GFOD1: variants seen among roughly 807,000 people sequenced by gnomAD.
The protein encoded by GFOD1 is glucose-fructose oxidoreductase domain-containing protein 1.
Under a neutral mutation model 25.4 loss-of-function variants are expected in GFOD1, and 9 were observed. That is an observed-to-expected ratio of 0.35 (90% CI 0.21 to 0.62). GFOD1 has a LOEUF of 0.62. GFOD1 is among the 20% of genes least tolerant of loss of function. The pLI, the probability that GFOD1 is intolerant of heterozygous loss-of-function variation, is 0.72. For missense variants in GFOD1, 403 were observed against 556.9 expected, an observed-to-expected ratio of 0.72 and a Z score of 2.78; for synonymous variants, 253 against 245.6, an observed-to-expected ratio of 1.03 and a Z score of -0.28.
chr6:13,434,656 A>T (rs1052010682), intron 1 of GFOD1, among the ~76,000 whole-genome samples: 1 of 152,238 alleles, frequency 6.6e-6, no homozygotes, highest in South Asian at 2.1e-4. Flanking sequence ...GAAGTCAAGC[A>T]CCTAACTCTT....
In GFOD1 at chr6:13,426,308, A is replaced by G. The variant is rs913935238; in HGVS notation, c.253+60330T>C. ...TGCCTGGTCCTATAATACAGAAGATATGAGAGCCAGGAAGCCACAGAAACA... is the reference window on the plus strand; with the variant it reads ...TGCCTGGTCCTATAATACAGAAGATGTGAGAGCCAGGAAGCCACAGAAACA... On this transcript the variant is annotated intron_variant, in intron 1 of 1. Coordinates refer to ENST00000379287, the MANE Select transcript of GFOD1 (RefSeq NM_018988.4). Among the ~76,000 whole-genome samples the G allele has an allele frequency of 6.6e-5, 10 of 152,322 alleles. No homozygotes were observed. The East Asian group carries it at 1.9e-3, about 29-fold the overall frequency.
chr6:13,394,946 T>C (rs1435707598), intron 1 of GFOD1, among the ~76,000 whole-genome samples: 2 of 152,120 alleles, frequency 1.3e-5, no homozygotes, highest in Non-Finnish European at 2.9e-5. Context: ...CATACCTGGC[T>C]AATTTTTAAA....
rs1388113175 is a variant in GFOD1, at chr6:13,364,942, G to T, written c.974C>A (p.Thr325Lys). ...CATGGTGAGGGGCCGCCCATCCCAC[G>T]TGCGCCGGTCGTCCTGGTCCTGGAA... ...QAFQDQDDRR[T>K]WDGRPLTMAA... Residue 325 changes from threonine to lysine, a missense_variant, in exon 2 of 2, where the codon ACG (threonine) becomes AAG (lysine). Transcript: ENST00000379287. The surrounding 1 kb of genome is among the most constrained non-coding windows in gnomAD (Gnocchi z 4.1). The T allele has an allele frequency of 6.2e-7, 1 of 1,611,534 alleles. No homozygotes were observed. The highest frequency in any genetic ancestry group is 8.5e-7 in the Non-Finnish European group (1 of 1,179,904).
At chr6:13,449,621 A>T (rs751302002) in intron 1 of GFOD1, among the ~76,000 whole-genome samples, 9 of 152,194 alleles carry the variant, frequency 5.9e-5, no homozygotes, top group Non-Finnish European at 1.2e-4. Context: ...TAACTGAATC[A>T]TCGGGGCGGT....
At chr6:13,379,245 C>G (rs1246334811) in intron 1 of GFOD1, among the ~76,000 whole-genome samples, 2 of 151,998 alleles carry the variant, frequency 1.3e-5, no homozygotes, top group Non-Finnish European at 2.9e-5. Flanking sequence ...CTGCCCAGCC[C>G]CTGAATCTCC....
intron 1 of GFOD1, among the ~76,000 whole-genome samples, chr6:13,426,307 T>C (rs7739234): frequency 0.03 from 4,634 of 152,216 alleles, 244 homozygotes; most frequent in African/African-American, 0.11. Flanking sequence ...ATACAGAAGA[T>C]ATGAGAGCCA....
intron 1 of GFOD1, among the ~76,000 whole-genome samples, chr6:13,419,196 C>T (rs901650308): frequency 3.9e-5 from 6 of 152,146 alleles, no homozygotes; most frequent in African/African-American, 1.4e-4. Flanking sequence ...GAGAGGTGAA[C>T]GTCTTCCAAA....
chr6:13,387,449 A>G (rs1785497752), intron 1 of GFOD1, among the ~76,000 whole-genome samples: 1 of 152,240 alleles, frequency 6.6e-6, no homozygotes, highest in Non-Finnish European at 1.5e-5. Context: ...CCTCGGATGC[A>G]AGGCTGGTTC....
chr6:13,371,572 T>C (rs1785155390), intron 1 of GFOD1, among the ~76,000 whole-genome samples: 1 of 152,240 alleles, frequency 6.6e-6, no homozygotes, highest in South Asian at 2.1e-4. Context: ...TTGGAACATA[T>C]GGACTCTATT....
rs74625335 is a variant in GFOD1 at position 13,391,167 on chromosome 6, G to A, written c.254-25505C>T. On this transcript the variant is annotated intron_variant, in intron 1 of 1. Coordinates refer to ENST00000379287, the MANE Select transcript of GFOD1 (RefSeq NM_018988.4). ...ATTTCACAGTGGATGGTGAACATTC[G>A]ATTTTTTTGTTTGAGTGAAGGTAGA... 7.9e-3 allele frequency among the ~76,000 whole-genome samples: 1,198 copies of A among 152,250 alleles called. 18 individuals carry two copies. Among genetic ancestry groups the A allele is most frequent in the African/African-American group, 0.026 (1,087 of 41,542 alleles).
intron 1 of GFOD1, among the ~76,000 whole-genome samples, chr6:13,441,036 C>T (rs1757906235): frequency 6.6e-6 from 1 of 152,202 alleles, no homozygotes; most frequent in Non-Finnish European, 1.5e-5. Context: ...ATCAGATCAT[C>T]GTGAAGAAGT....
chr6:13,478,198 G>A (rs572164581), intron 1 of GFOD1, among the ~76,000 whole-genome samples: 4 of 152,230 alleles, frequency 2.6e-5, no homozygotes, highest in Non-Finnish European at 4.4e-5. Flanking sequence ...GGAGTGCAAT[G>A]GTGCAATCTT....
intron 1 of GFOD1, among the ~76,000 whole-genome samples, chr6:13,463,297 C>T (rs7774411): frequency 0.065 from 9,898 of 152,116 alleles, 1,049 homozygotes; most frequent in African/African-American, 0.23. Flanking sequence ...TGCCAATTAG[C>T]GAGTTAGGGG....
intron 1 of GFOD1, among the ~76,000 whole-genome samples, chr6:13,435,654 G>A (rs917516531): frequency 6.6e-6 from 1 of 152,112 alleles, no homozygotes; most frequent in Non-Finnish European, 1.5e-5. Context: ...TGCCTTCCCC[G>A]GAAGCTAGAC....
In GFOD1 at chr6:13,444,908, T is replaced by C. The variant is rs576111952; in HGVS notation, c.253+41730A>G. Among the ~76,000 whole-genome samples the C allele has an allele frequency of 5.9e-4, 90 of 152,370 alleles. 1 individual carries two copies. Among genetic ancestry groups the C allele is most frequent in the Admixed American group, 4.4e-3 (67 of 15,310 alleles). ...TTGTATATGATCGATATATACCATTTTTATATGTTAATTAAAAACATAAAA... is the reference window on the plus strand; with the variant it reads ...TTGTATATGATCGATATATACCATTCTTATATGTTAATTAAAAACATAAAA... On this transcript the variant is annotated intron_variant, in intron 1 of 1. Coordinates refer to ENST00000379287, the MANE Select transcript of GFOD1 (RefSeq NM_018988.4).
At chr6:13,472,713 C>T (rs773890455) in intron 1 of GFOD1, among the ~76,000 whole-genome samples, 39 of 152,202 alleles carry the variant, frequency 2.6e-4, no homozygotes, top group Admixed American at 1.9e-3. Flanking sequence ...CCAAAAAAAG[C>T]CTTCAGGAGC....
intron 1 of GFOD1, among the ~76,000 whole-genome samples, chr6:13,372,212 C>T (rs542326830): frequency 3.9e-5 from 6 of 152,322 alleles, no homozygotes; most frequent in East Asian, 1.9e-4. Flanking sequence ...AAACTTCTGA[C>T]GGGTTAGAGT....
chr6:13,471,720 A>G (rs1051460869), intron 1 of GFOD1, among the ~76,000 whole-genome samples: 2 of 152,228 alleles, frequency 1.3e-5, no homozygotes, highest in Non-Finnish European at 2.9e-5. Context: ...GGGGTTGCTC[A>G]AAAATCCATG....
intron 1 of GFOD1, among the ~76,000 whole-genome samples, chr6:13,415,260 G>A (rs1003515518): frequency 6.6e-6 from 1 of 152,158 alleles, no homozygotes; most frequent in African/African-American, 2.4e-5. Context: ...TCCAGAACTT[G>A]AGCACATGGG....
Sources: gnomAD v4.1 joint callset for allele counts (sites outside exome capture counted in the v4.1 genomes callset) on GRCh38, gnomAD v4.1.1 for gene constraint, Gnocchi (gnomAD v3.1) non-coding constraint, MANE v1.5 for transcripts, NCBI Gene and HGNC (gene_info 2026-07-23, HGNC 2026-07-21) for gene names.